SNX4: variants seen among roughly 807,000 people sequenced by gnomAD.
The protein encoded by SNX4 is sorting nexin 4.
SNX4 carries 49 observed loss-of-function variants against 70.8 expected under a neutral mutation model. The observed-to-expected ratio is 0.69, with a 90% confidence interval of 0.55 to 0.88. The LOEUF is 0.88. Among genes scored for constraint, SNX4 ranks in the 40% least tolerant of loss-of-function variants. The pLI, the probability that SNX4 is intolerant of heterozygous loss-of-function variation, is 0.00. For missense variants in SNX4, 528 were observed against 544.8 expected, an observed-to-expected ratio of 0.97 and a Z score of 0.31; for synonymous variants, 206 against 183.8, an observed-to-expected ratio of 1.12 and a Z score of -0.98.
At chr3:125,455,230 C>T (rs1476397112) in intron 11 of SNX4, among the ~76,000 whole-genome samples, 7 of 152,126 alleles carry the variant, frequency 4.6e-5, no homozygotes, top group Non-Finnish European at 1.5e-5. Flanking sequence ...CTACCATACC[C>T]GGCTTGAATT....
rs1934819457 is a variant in SNX4, at chr3:125,497,380, G to C, written c.558C>G (p.Asn186Lys). 6.3e-7 allele frequency: 1 copy of C among 1,597,706 alleles called. No homozygotes were observed. The highest frequency in any genetic ancestry group is 1.1e-5 in the South Asian group (1 of 90,260). Residue 186 changes from asparagine to lysine, a missense_variant, in exon 5 of 14, where the codon AAC (asparagine) becomes AAG (lysine). Around this residue, in one of 3 missense-constraint regions of SNX4, gnomAD observed 341 missense variants for 312.2 expected, o/e 1.09. Coordinates refer to ENST00000251775, the MANE Select transcript of SNX4 (RefSeq NM_003794.4). The stretch of plus-strand genomic sequence containing the variant: ...CAGTTTCATTCACAGTCTCCTTCCA[G>C]TTACCTTCCTAAAAATTGAAGTTAA... ...IFYLFLTQEG[N>K]WKETVNETGF...
intron 5 of SNX4, among the ~76,000 whole-genome samples, chr3:125,496,188 G>A (rs1193471580): frequency 6.6e-6 from 1 of 152,156 alleles, no homozygotes; most frequent in Non-Finnish European, 1.5e-5. Flanking sequence ...CAGCTACTTG[G>A]GAGGCTGAGG....
intron 2 of SNX4, among the ~76,000 whole-genome samples, chr3:125,503,112 G>A (rs2107564414): frequency 6.6e-6 from 1 of 151,978 alleles, no homozygotes; most frequent in East Asian, 2.0e-4. Context: ...TCGCCATGTT[G>A]GCCAGGGTGG....
intron 8 of SNX4, among the ~76,000 whole-genome samples, chr3:125,474,252 T>C (rs1436040112): frequency 6.6e-6 from 1 of 152,216 alleles, no homozygotes; most frequent in African/African-American, 2.4e-5. Context: ...CTTGATTAAA[T>C]TACCTCAACC....
In SNX4 at chr3:125,447,505, T is replaced by C. The variant is rs1260056637; in HGVS notation, c.*274A>G. On this transcript the variant is annotated 3_prime_UTR_variant, in exon 14 of 14. Transcript: ENST00000251775. The stretch of plus-strand genomic sequence containing the variant: ...AACATCTTGACATTCAGTCATTGGT[T>C]CAGAAGCGTGACAAACAATCTGTTG... 3 of 284,506 alleles carry C rather than the reference T, an allele frequency of 1.1e-5. No individual in the cohort carries two copies. Among genetic ancestry groups the C allele is most frequent in the Admixed American group, 1.1e-4 (2 of 18,850 alleles). The allele number at this position is 284,506 out of a possible 1,614,324, so 17.6% of individuals were successfully genotyped here.
At chr3:125,466,570 T>G (rs1181802561) in intron 9 of SNX4, among the ~76,000 whole-genome samples, 4 of 152,156 alleles carry the variant, frequency 2.6e-5, no homozygotes, top group Non-Finnish European at 2.9e-5. Flanking sequence ...GACAAAGGTT[T>G]AATATCCAGA....
intron 9 of SNX4, among the ~76,000 whole-genome samples, chr3:125,468,743 G>A (rs925432110): frequency 6.6e-6 from 1 of 151,908 alleles, no homozygotes; most frequent in Non-Finnish European, 1.5e-5. Context: ...TAGCTACTTG[G>A]GAGGCTGAGG....
intron 9 of SNX4, among the ~76,000 whole-genome samples, chr3:125,467,085 A>AG (rs1934043419): frequency 1.8e-4 from 13 of 70,648 alleles, no homozygotes; most frequent in South Asian, 4.7e-4. Flanking sequence ...TCTGTCTTCC[A>AG]AAAAAAAAAA....
At position 125,453,862 on chromosome 3, in the gene SNX4, C is replaced by A; in HGVS notation, c.1138G>T (p.Glu380Ter). ...TGTTGTTCTCCTTCATTTATTTGTT[C>A]TTCTAGCACCTTTATTCTGGCTTCT... ...QREARIKVLE[E>*]QINEGEQQLK... The change falls in exon 12 of 14, where the codon GAA (glutamate) becomes TAA (stop). Residue 380 changes from glutamate (E) to a stop codon, truncating the protein, a stop_gained. Transcript: ENST00000251775. LOFTEE classifies it high-confidence loss of function. 6.2e-7 allele frequency: 1 copy of A among 1,613,896 alleles called. No homozygotes were observed.
At chr3:125,485,945 A>G (rs956793166) in intron 6 of SNX4, among the ~76,000 whole-genome samples, 2 of 152,066 alleles carry the variant, frequency 1.3e-5, no homozygotes, top group Admixed American at 6.5e-5. Flanking sequence ...GGTTCAAGCA[A>G]TTCTCCTGCC....
chr3:125,509,027 G>A (rs1053426750), intron 1 of SNX4, among the ~76,000 whole-genome samples: 12 of 152,012 alleles, frequency 7.9e-5, no homozygotes, highest in African/African-American at 1.7e-4. Flanking sequence ...TAAAAATGTC[G>A]TGCATCAAAA....
At chr3:125,482,718 A>G (rs961190306) in intron 6 of SNX4, among the ~76,000 whole-genome samples, 1 of 152,128 alleles carries the variant, frequency 6.6e-6, no homozygotes, top group Non-Finnish European at 1.5e-5. Context: ...ACAGTCCCCA[A>G]GTATTCAGTT....
intron 7 of SNX4, among the ~76,000 whole-genome samples, chr3:125,479,145 C>T (rs1203883773): frequency 6.6e-6 from 1 of 152,118 alleles, no homozygotes. Context: ...TTTCTCAACA[C>T]CCAGCTTCAG....
chr3:125,489,521 C>G (rs1934604666), intron 5 of SNX4, 58 bp from the exon 6 acceptor site: 1 of 1,361,068 alleles, frequency 7.3e-7, no homozygotes, highest in East Asian at 2.3e-5. Flanking sequence ...AAAATTCAAA[C>G]AATTTTACTT....
chr3:125,499,738 T>G (rs1434948430), intron 2 of SNX4, among the ~76,000 whole-genome samples: 1 of 147,898 alleles, frequency 6.8e-6, no homozygotes, highest in Non-Finnish European at 1.5e-5. Flanking sequence ...CCTACAGGGC[T>G]GATAGAAGGT....
At chr3:125,511,082 T>A (rs1183526865) in intron 1 of SNX4, among the ~76,000 whole-genome samples, 1 of 152,110 alleles carries the variant, frequency 6.6e-6, no homozygotes, top group East Asian at 1.9e-4. Context: ...CACCGGATAA[T>A]TCTGTATTTT....
intron 11 of SNX4, among the ~76,000 whole-genome samples, chr3:125,456,872 G>A: frequency 6.6e-6 from 1 of 152,058 alleles, no homozygotes; most frequent in South Asian, 2.1e-4. Flanking sequence ...TGTTGGCCAG[G>A]CTAATCTCGA....
intron 13 of SNX4, among the ~76,000 whole-genome samples, chr3:125,450,256 T>C (rs1933541407): frequency 6.6e-6 from 1 of 152,230 alleles, no homozygotes; most frequent in Admixed American, 6.5e-5. Flanking sequence ...TTGTTTTAAG[T>C]GACTCCAAAG....
chr3:125,498,046 T>C lies in SNX4; in HGVS notation c.399+13A>G. 6.2e-7 allele frequency: 1 copy of C among 1,614,070 alleles called. No homozygotes were observed. Among genetic ancestry groups the C allele is most frequent in the Non-Finnish European group, 8.5e-7 (1 of 1,180,000 alleles). On this transcript the variant is annotated intron_variant, in intron 3 of 13. Coordinates refer to ENST00000251775, the MANE Select transcript of SNX4 (RefSeq NM_003794.4). ...GCTGAATACTTCTAAACTACTGCCA[T>C]TTCACTTCTTACCCGTTTTTCTGGC... is the stretch of plus-strand genomic sequence containing the variant.
Sources: gnomAD v4.1 joint callset for allele counts (sites outside exome capture counted in the v4.1 genomes callset) on GRCh38, gnomAD v4.1.1 for gene constraint, gnomAD v4.1.1 regional missense constraint, MANE v1.5 for transcripts, NCBI Gene and HGNC (gene_info 2026-07-23, HGNC 2026-07-21) for gene names.